Variants in RIPOR3 observed in about 807,000 individuals in gnomAD.
RIPOR3 encodes the protein RIPOR family member 3, also known as family with sequence similarity 65 member C.
In RIPOR3, 95 loss-of-function variants were observed where a neutral mutation model predicts 114.3. That is an observed-to-expected ratio of 0.83 (90% CI 0.70 to 0.99). The LOEUF is 0.99. Among genes scored for constraint, RIPOR3 ranks in the 50% least tolerant of loss-of-function variants. The pLI, the probability that RIPOR3 is intolerant of heterozygous loss-of-function variation, is 0.00. For missense variants in RIPOR3, 1,252 were observed against 1,266.9 expected, an observed-to-expected ratio of 0.99 and a Z score of 0.18; for synonymous variants, 575 against 543.8, an observed-to-expected ratio of 1.06 and a Z score of -0.80.
rs1251207439 is a variant in RIPOR3 at position 50,595,351 on chromosome 20, T to A, written c.2050+18A>T. Reference sequence around the variant, plus strand: ...GCCGCTCACATAGGCAGCCCCTGGGTGGCAGGCAGCTACTTACTCTCTTCA... The same window carrying A: ...GCCGCTCACATAGGCAGCCCCTGGGAGGCAGGCAGCTACTTACTCTCTTCA... On this transcript the variant is annotated intron_variant, in intron 16 of 21. Transcript: ENST00000327979. 8.1e-6 allele frequency: 13 copies of A among 1,608,634 alleles called. No homozygotes were observed. The highest frequency in any genetic ancestry group is 1.1e-5 in the Non-Finnish European group (13 of 1,175,916).
At chr20:50,683,223 T>C (rs2086914668) in intron 1 of RIPOR3, among the ~76,000 whole-genome samples, 1 of 152,198 alleles carries the variant, frequency 6.6e-6, no homozygotes, top group Non-Finnish European at 1.5e-5. Flanking sequence ...AGATAGCAGC[T>C]ACTACCACAG....
At position 50,602,182 on chromosome 20, in the gene RIPOR3, G is replaced by A. The variant is rs1483337110; in HGVS notation, c.1549C>T (p.Leu517Phe). Residue 517 changes from leucine (L) to phenylalanine (F), a missense_variant, in exon 13 of 22, where the codon CTC (leucine) becomes TTC (phenylalanine). Physicochemically the swap from Leu to Phe is conservative, Grantham distance 22. Coordinates refer to ENST00000327979, the MANE Select transcript of RIPOR3 (RefSeq NM_001290268.2). The surrounding 1 kb of genome is among the most constrained non-coding windows in gnomAD (Gnocchi z 4.3). Reference sequence around the variant, plus strand: ...AGGACCTCCTGCAGAGGCCCCTCGAGGGCCACGCCAGGCCCGTCCTCTCTG... The same window carrying A: ...AGGACCTCCTGCAGAGGCCCCTCGAAGGCCACGCCAGGCCCGTCCTCTCTG... ...GDREDGPGVALEGPLQEVLEL... is the reference protein window; with the variant it reads ...GDREDGPGVAFEGPLQEVLEL... 1.4e-5 allele frequency: 22 copies of A among 1,613,334 alleles called. No individual in the cohort carries two copies. Among genetic ancestry groups the A allele is most frequent in the Non-Finnish European group, 1.9e-5 (22 of 1,179,834 alleles).
At chr20:50,637,722 A>G (rs1187129003) in intron 1 of RIPOR3, among the ~76,000 whole-genome samples, 3 of 152,016 alleles carry the variant, frequency 2.0e-5, no homozygotes, top group African/African-American at 4.8e-5. Flanking sequence ...TAAAAATACA[A>G]AAATTAGCCA....
Position 50,593,137 on chromosome 20 carries a change from G to A in RIPOR3, c.2272C>T (p.Leu758Phe). ...CAGGTAATGATCTGTTCTTCTGGGA[G>A]CCCAGCTCCGGGGAGCAGCCCACCA... ...SCGGLLPGAG[L>F]PEEQIITWFQ... is the part of the protein sequence containing the mutation. The change falls in exon 18 of 22, where the codon CTC becomes TTC. Residue 758 changes from leucine to phenylalanine, a missense_variant. Leu to Phe is a conservative substitution (Grantham distance 22, BLOSUM62 0). Coordinates refer to ENST00000327979, the MANE Select transcript of RIPOR3 (RefSeq NM_001290268.2). The A allele has an allele frequency of 6.2e-7, 1 of 1,613,896 alleles. No individual in the cohort carries two copies. Among genetic ancestry groups the A allele is most frequent in the Non-Finnish European group, 8.5e-7 (1 of 1,180,032 alleles).
chr20:50,652,609 AAAAAG>A (rs1398599738), intron 1 of RIPOR3, among the ~76,000 whole-genome samples: 147 of 146,798 alleles, frequency 1.0e-3, no homozygotes, highest in South Asian at 2.8e-3. Flanking sequence ...AAAAAAAAAA[AAAAAG>A]AAAAGAAAAG....
At position 50,602,925 on chromosome 20, in the gene RIPOR3, T is replaced by G. The variant is rs1387809438; in HGVS notation, c.1087-281A>C. ...GGCCCCACGTTCCTGCCTCAGGGCC[T>G]TTGCACTGACTGTGCTCTCGTCAGA... On this transcript the variant is annotated intron_variant, in intron 12 of 21. Transcript: ENST00000327979. The surrounding 1 kb of genome is among the most constrained non-coding windows in gnomAD (Gnocchi z 4.3). Among the ~76,000 whole-genome samples the G allele has an allele frequency of 6.6e-6, 1 of 152,170 alleles. No individual in the cohort carries two copies. Among genetic ancestry groups the G allele is most frequent in the Non-Finnish European group, 1.5e-5 (1 of 68,020 alleles).
chr20:50,614,065 T>C (rs1020231130), intron 4 of RIPOR3, among the ~76,000 whole-genome samples: 1 of 152,134 alleles, frequency 6.6e-6, no homozygotes, highest in Non-Finnish European at 1.5e-5. Context: ...AAACAGAGTC[T>C]GGCTCTATCG....
At chr20:50,636,036 G>C (rs1259277301) in intron 1 of RIPOR3, among the ~76,000 whole-genome samples, 2 of 152,250 alleles carry the variant, frequency 1.3e-5, no homozygotes, top group African/African-American at 4.8e-5. Context: ...CCCCCTTGGG[G>C]CCTGCGGACC....
At chr20:50,642,786 C>T (rs140541753) in intron 1 of RIPOR3, among the ~76,000 whole-genome samples, 2 of 151,976 alleles carry the variant, frequency 1.3e-5, no homozygotes, top group South Asian at 2.1e-4. Context: ...CTGTGGCTCA[C>T]GCCTGTAACC....
intron 2 of RIPOR3, among the ~76,000 whole-genome samples, chr20:50,629,003 T>A (rs985553866): frequency 1.3e-5 from 2 of 151,988 alleles, no homozygotes; most frequent in African/African-American, 4.8e-5. Flanking sequence ...TCAGGGGTCC[T>A]CCCCCAGGAC....
chr20:50,685,218 T>C (rs989201607), intron 1 of RIPOR3, among the ~76,000 whole-genome samples: 2 of 128,216 alleles, frequency 1.6e-5, no homozygotes, highest in African/African-American at 2.8e-5. Context: ...GATGATGGGA[T>C]AGAATTTTTT....
intron 1 of RIPOR3, chr20:50,645,505 A>C (rs1243514232): frequency 6.6e-6 from 1 of 152,178 alleles, no homozygotes; most frequent in Admixed American, 6.6e-5. Context: ...TGAGCGAGTG[A>C]GGTGAATGGG....
At chr20:50,666,192 C>CTTTTCTTTTCTTT (rs1555873311) in intron 1 of RIPOR3, among the ~76,000 whole-genome samples, 2 of 26,710 alleles carry the variant, frequency 7.5e-5, no homozygotes, top group African/African-American at 1.3e-4. Flanking sequence ...CATTTCTTTT[C>CTTTTCTTTTCTTT]TTTTCTTTTC....
At chr20:50,647,767 C>T (rs2085464189) in intron 1 of RIPOR3, among the ~76,000 whole-genome samples, 1 of 151,624 alleles carries the variant, frequency 6.6e-6, no homozygotes, top group Non-Finnish European at 1.5e-5. Context: ...CAGGCATGAG[C>T]CACCGCACCC....
intron 8 of RIPOR3, 108 bp from the exon 9 acceptor site, chr20:50,609,063 G>A (rs534565487): frequency 6.9e-7 from 1 of 1,458,356 alleles, no homozygotes; most frequent in Admixed American, 2.0e-5. Flanking sequence ...GTTTCAGTGG[G>A]GTGAGGATGG....
intron 1 of RIPOR3, among the ~76,000 whole-genome samples, chr20:50,642,629 A>G (rs1433262683): frequency 6.8e-6 from 1 of 146,520 alleles, no homozygotes; most frequent in Non-Finnish European, 1.5e-5. Flanking sequence ...AAGAGATTCC[A>G]CTGCTCCTCA....
chr20:50,618,207 C>T (rs974023956), intron 3 of RIPOR3, among the ~76,000 whole-genome samples: 2 of 130,262 alleles, frequency 1.5e-5, no homozygotes, highest in East Asian at 2.5e-4. Flanking sequence ...GCAGAGGTTG[C>T]GGTGAGCTGA....
intron 2 of RIPOR3, among the ~76,000 whole-genome samples, chr20:50,625,008 G>C (rs930212551): frequency 2.8e-4 from 42 of 152,186 alleles, no homozygotes; most frequent in Non-Finnish European, 5.0e-4. Context: ...CTGGCCACTG[G>C]GTGATGATGA....
intron 17 of RIPOR3, among the ~76,000 whole-genome samples, 173 bp downstream of exon 17, chr20:50,594,380 G>A (rs372214298): frequency 2.8e-4 from 43 of 152,196 alleles, no homozygotes; most frequent in East Asian, 2.3e-3. Flanking sequence ...CTTCTCGCCC[G>A]GTGAAAGGGC....
Sources: gnomAD v4.1 joint callset for allele counts (sites outside exome capture counted in the v4.1 genomes callset) on GRCh38, gnomAD v4.1.1 for gene constraint, Gnocchi (gnomAD v3.1) non-coding constraint, MANE v1.5 for transcripts, NCBI Gene and HGNC (gene_info 2026-07-23, HGNC 2026-07-21) for gene names.